UNC5C: variants seen among roughly 807,000 people sequenced by gnomAD.
UNC5C encodes netrin receptor UNC5C.
A neutral mutation model predicts 99.8 loss-of-function variants in UNC5C; 47 were observed. The ratio of observed to expected loss-of-function variants is 0.47; its 90% CI spans 0.37 to 0.60. UNC5C has a LOEUF of 0.60. Among genes scored for constraint, UNC5C ranks in the 20% least tolerant of loss-of-function variants. UNC5C has a pLI of 0.00. For missense variants in UNC5C, 1,062 were observed against 1,165.9 expected, an observed-to-expected ratio of 0.91 and a Z score of 1.30; for synonymous variants, 487 against 452.2, an observed-to-expected ratio of 1.08 and a Z score of -0.98.
At chr4:95,495,767 C>A (rs976747642) in intron 1 of UNC5C, among the ~76,000 whole-genome samples, 4 of 151,580 alleles carry the variant, frequency 2.6e-5, no homozygotes, top group Non-Finnish European at 5.9e-5. Context: ...ACTCTATCAT[C>A]CTCATTTTAA....
At chr4:95,279,766 C>T (rs1046808619) in intron 3 of UNC5C, among the ~76,000 whole-genome samples, 5 of 152,204 alleles carry the variant, frequency 3.3e-5, no homozygotes, top group African/African-American at 7.2e-5. Flanking sequence ...ATTGAACTAG[C>T]GAGTGGAAAC....
intron 4 of UNC5C, among the ~76,000 whole-genome samples, chr4:95,266,695 ATTTCT>A (rs1301560854): frequency 7.2e-5 from 11 of 152,308 alleles, no homozygotes; most frequent in Admixed American, 2.0e-4. Flanking sequence ...GGCTTCCATA[ATTTCT>A]TTTGAGTAGC....
At chr4:95,503,847 C>T (rs1216284461) in intron 1 of UNC5C, among the ~76,000 whole-genome samples, 3 of 152,096 alleles carry the variant, frequency 2.0e-5, no homozygotes, top group Non-Finnish European at 1.5e-5. Context: ...TCTGCTCCCC[C>T]ACCATTTCAC....
chr4:95,430,068 A>T (rs1746591377), intron 1 of UNC5C, among the ~76,000 whole-genome samples: 1 of 152,106 alleles, frequency 6.6e-6, no homozygotes, highest in Non-Finnish European at 1.5e-5. Flanking sequence ...ACTTTGTATG[A>T]TACTATAATG....
rs965823 is a variant in UNC5C, at chr4:95,167,907, T to G, written c.*1327A>C. ...CGGTGGAAGTTGAGCATTTCAGAAC[T>G]TGGAGATGATCTAATCCCACCCTTT... On this transcript the variant is annotated 3_prime_UTR_variant, in exon 16 of 16. Coordinates refer to ENST00000453304, the MANE Select transcript of UNC5C (RefSeq NM_003728.4). 3 of 152,094 alleles carry G rather than the reference T, an allele frequency of 2.0e-5. No individual in the cohort carries two copies. The highest frequency in any genetic ancestry group is 2.9e-5 in the Non-Finnish European group (2 of 67,990). The allele number at this position is 152,094 out of a possible 1,614,324, so 9.4% of individuals were successfully genotyped here. A position where few individuals can be genotyped will look rare whatever the true frequency, so the allele number is the denominator to read the frequency against.
At position 95,169,129 on chromosome 4, in the gene UNC5C, A is replaced by T; in HGVS notation, c.*105T>A. On this transcript the variant is annotated 3_prime_UTR_variant, in exon 16 of 16. Transcript: ENST00000453304. ...GGCTCCTGCTGCAGTCTTGCCTGTG[A>T]AGTGCATTGGTCTCATCTGGATTTC... is the stretch of plus-strand genomic sequence containing the variant. 7.0e-7 allele frequency: 1 copy of T among 1,419,916 alleles called. No homozygotes were observed. Among genetic ancestry groups the T allele is most frequent in the Non-Finnish European group, 9.7e-7 (1 of 1,031,624 alleles). 88.0% of individuals were successfully genotyped at this position (1,419,916 alleles called of 1,614,324 possible).
chr4:95,523,919 A>T (rs1371630919), intron 1 of UNC5C, among the ~76,000 whole-genome samples: 1 of 152,156 alleles, frequency 6.6e-6, no homozygotes, highest in African/African-American at 2.4e-5. Context: ...CTGGAAGAAA[A>T]ATAAGAAGAA....
chr4:95,235,990 T>C (rs1178292680), intron 7 of UNC5C, among the ~76,000 whole-genome samples: 1 of 152,206 alleles, frequency 6.6e-6, no homozygotes, highest in Non-Finnish European at 1.5e-5. Context: ...TTGGTAGGAC[T>C]GTAAACTGGT....
chr4:95,457,970 A>G (rs1747491760), intron 1 of UNC5C, among the ~76,000 whole-genome samples: 1 of 152,122 alleles, frequency 6.6e-6, no homozygotes. Context: ...ACTCTGAGAA[A>G]TGTGAACAGC....
chr4:95,197,388 G>A (rs561336685), intron 12 of UNC5C, among the ~76,000 whole-genome samples: 7 of 152,078 alleles, frequency 4.6e-5, no homozygotes, highest in African/African-American at 1.2e-4. Flanking sequence ...GTTACTATAC[G>A]AAAATATCAA....
At chr4:95,234,374 C>A (rs1041239441) in intron 7 of UNC5C, among the ~76,000 whole-genome samples, 1 of 125,392 alleles carries the variant, frequency 8.0e-6, no homozygotes, top group Non-Finnish European at 1.7e-5. Flanking sequence ...CACGCCAAAT[C>A]GCTTACCTTT....
chr4:95,473,224 T>A (rs1748029269), intron 1 of UNC5C, among the ~76,000 whole-genome samples: 1 of 152,156 alleles, frequency 6.6e-6, no homozygotes, highest in Non-Finnish European at 1.5e-5. Context: ...ACAATTATAC[T>A]GAAAATATCT....
chr4:95,391,782 C>T (rs1483741), intron 1 of UNC5C, among the ~76,000 whole-genome samples: 81,993 of 146,736 alleles, frequency 0.56, 22,860 homozygotes, highest in East Asian at 0.71. Flanking sequence ...AAAAAAGGCA[C>T]TTTTAAAGAG....
intron 3 of UNC5C, among the ~76,000 whole-genome samples, chr4:95,281,440 A>T (rs1741057078): frequency 1.3e-5 from 2 of 152,130 alleles, no homozygotes; most frequent in Non-Finnish European, 2.9e-5. Context: ...ATCAGAGAAC[A>T]AGGGTGTCCA....
At chr4:95,486,280 C>G (rs1437230526) in intron 1 of UNC5C, among the ~76,000 whole-genome samples, 2 of 151,566 alleles carry the variant, frequency 1.3e-5, no homozygotes, top group Admixed American at 1.3e-4. Context: ...CATAATATCC[C>G]CTTTGACTAA....
chr4:95,223,008 TTCATC>T (rs1218463884), intron 7 of UNC5C, among the ~76,000 whole-genome samples: 3 of 152,146 alleles, frequency 2.0e-5, no homozygotes, highest in Non-Finnish European at 4.4e-5. Flanking sequence ...AATAAAAACT[TTCATC>T]TCAATAGAAA....
chr4:95,332,110 A>G (rs1263657965), intron 2 of UNC5C, among the ~76,000 whole-genome samples: 1 of 152,232 alleles, frequency 6.6e-6, no homozygotes, highest in Non-Finnish European at 1.5e-5. Flanking sequence ...GCTCATGGGT[A>G]GGAAGAATCA....
intron 1 of UNC5C, among the ~76,000 whole-genome samples, chr4:95,458,816 T>A (rs532960313): frequency 2.8e-4 from 42 of 152,232 alleles, no homozygotes; most frequent in Middle Eastern, 3.4e-3. Context: ...CTGTTATTAC[T>A]ATTATTTAAT....
At chr4:95,372,102 G>A (rs1345466130) in intron 1 of UNC5C, among the ~76,000 whole-genome samples, 1 of 152,088 alleles carries the variant, frequency 6.6e-6, no homozygotes, top group Non-Finnish European at 1.5e-5. Flanking sequence ...CATGCCTGTT[G>A]TTTAATGCTA....
Sources: gnomAD v4.1 joint callset for allele counts (sites outside exome capture counted in the v4.1 genomes callset) on GRCh38, gnomAD v4.1.1 for gene constraint, MANE v1.5 for transcripts, NCBI Gene and HGNC (gene_info 2026-07-23, HGNC 2026-07-21) for gene names.